The following PDCD7 variants were observed in gnomAD, a reference collection of about 807,000 sequenced individuals.
The protein encoded by PDCD7 is programmed cell death 7.
A neutral mutation model predicts 42.1 loss-of-function variants in PDCD7; 40 were observed. The ratio of observed to expected loss-of-function variants is 0.95; its 90% CI spans 0.74 to 1.24. The LOEUF (loss-of-function observed/expected upper bound fraction) is 1.24, where lower values mean the gene tolerates loss of function less well. Among genes scored for constraint, PDCD7 ranks in the 50% most tolerant of loss-of-function variants. PDCD7 has a pLI of 0.00. For synonymous variants in PDCD7, 299 were observed against 303.3 expected, an observed-to-expected ratio of 0.99 and a Z score of 0.15; for missense variants, 644 against 662.8, an observed-to-expected ratio of 0.97 and a Z score of 0.31.
At chr15:65,119,018 G>A (rs2087430274) in intron 4 of PDCD7, 178 bp from the exon 5 acceptor site, 1 of 469,612 alleles carries the variant, frequency 2.1e-6, no homozygotes, top group Non-Finnish European at 3.6e-6. Flanking sequence ...ATAAAAAGAG[G>A]AAAAACTCTG....
chr15:65,132,716 T>C (rs762253990), intron 1 of PDCD7, among the ~76,000 whole-genome samples, 196 bp downstream of exon 1: 4 of 152,212 alleles, frequency 2.6e-5, no homozygotes, highest in Non-Finnish European at 5.9e-5. Context: ...GATTTTACAG[T>C]GCACCTGGAA....
At chr15:65,119,636 CCTCTTAG>C in intron 3 of PDCD7, 75 bp downstream of exon 3, 1 of 1,450,418 alleles carries the variant, frequency 6.9e-7, no homozygotes, top group Non-Finnish European at 9.5e-7. Context: ...TTGCCTACCA[CCTCTTAG>C]CTTGAGATCA....
chr15:65,121,883 T>C (rs1349284684), intron 2 of PDCD7, among the ~76,000 whole-genome samples: 1 of 152,216 alleles, frequency 6.6e-6, no homozygotes, highest in Non-Finnish European at 1.5e-5. Context: ...TTTAACTTAA[T>C]GAATATTTGA....
Position 65,133,428 on chromosome 15 carries a change from C to T in PDCD7, c.354G>A (p.Trp118Ter). Residue 118 changes from tryptophan to a stop codon, truncating the protein, a stop_gained, in exon 1 of 5, where the codon TGG (tryptophan) becomes TGA (stop). Coordinates refer to ENST00000204549, the MANE Select transcript of PDCD7 (RefSeq NM_005707.2). LOFTEE classifies it high-confidence loss of function. ...GCGGCGCCTCAGGCCACCGCGGGCT[C>T]CAGGGCGGCCCCGGGCCGGGAGGCG... Reference protein sequence around the residue: ...RPPPPGPGPPWSPRWPEAPPP... With the variant: ...RPPPPGPGPP The T allele has an allele frequency of 8.4e-7, 1 of 1,184,176 alleles. No homozygotes were observed. Among genetic ancestry groups the T allele is most frequent in the Non-Finnish European group, 1.0e-6 (1 of 957,496 alleles). The allele number at this position is 1,184,176 out of a possible 1,614,324, so 73.4% of individuals were successfully genotyped here. A position where few individuals can be genotyped will look rare whatever the true frequency, so the allele number is the denominator to read the frequency against.
At position 65,133,101 on chromosome 15, in the gene PDCD7, G is replaced by A. The variant is rs761671823; in HGVS notation, c.681C>T (p.Thr227=). 3.9e-6 allele frequency: 6 copies of A among 1,557,934 alleles called. No individual in the cohort carries two copies. The highest frequency in any genetic ancestry group is 1.7e-4 in the Middle Eastern group (1 of 5,762). Residue 227 remains threonine, a synonymous_variant, in exon 1 of 5, where the codon ACC becomes ACT. Coordinates refer to ENST00000204549, the MANE Select transcript of PDCD7 (RefSeq NM_005707.2). ...AELAERLQPL[T]QAAYVGEARR... ...GCGCCTCGCCCACATAGGCAGCCTG[G>A]GTCAACGGCTGTAGCCGCTCGGCCA... is the stretch of plus-strand genomic sequence containing the variant.
Position 65,133,455 on chromosome 15 carries a change from T to C in PDCD7, c.327A>G (p.Pro109=). The C allele has an allele frequency of 7.5e-6, 9 of 1,203,942 alleles. No individual in the cohort carries two copies. The South Asian group carries it at 3.7e-4, about 50-fold the overall frequency. The allele number at this position is 1,203,942 out of a possible 1,614,324, so 74.6% of individuals were successfully genotyped here. A position where few individuals can be genotyped will look rare whatever the true frequency, so the allele number is the denominator to read the frequency against. The change falls in exon 1 of 5, where the codon CCA becomes CCG. Residue 109 remains proline (P), a synonymous_variant. Transcript: ENST00000204549. ...AGGGCGGCCCCGGGCCGGGAGGCGGTGGCCGCGGCCGCTCGCCGGCGTCGG... is the reference window on the plus strand; with the variant it reads ...AGGGCGGCCCCGGGCCGGGAGGCGGCGGCCGCGGCCGCTCGCCGGCGTCGG... ...PGTDAGERPR[P]PPPGPGPPWS... is the part of the protein sequence containing the mutation.
At position 65,118,657 on chromosome 15, in the gene PDCD7, A is replaced by G. The variant is rs142683986; in HGVS notation, c.*60T>C. The G allele has an allele frequency of 1.5e-5, 22 of 1,489,756 alleles. No individual in the cohort carries two copies. The East Asian group carries it at 5.2e-4, about 35-fold the overall frequency. The allele number at this position is 1,489,756 out of a possible 1,614,324, so 92.3% of individuals were successfully genotyped here. Reference sequence around the variant, plus strand: ...TTAGTCTACAGCAAAAGATGGCACCATCGCTAATATTTACAGCTGGAAAGA... The same window carrying G: ...TTAGTCTACAGCAAAAGATGGCACCGTCGCTAATATTTACAGCTGGAAAGA... On this transcript the variant is annotated 3_prime_UTR_variant, in exon 5 of 5. Coordinates refer to ENST00000204549, the MANE Select transcript of PDCD7 (RefSeq NM_005707.2).
intron 2 of PDCD7, 124 bp downstream of exon 2, chr15:65,128,908 A>T (rs2087517102): frequency 8.7e-7 from 1 of 1,147,698 alleles, no homozygotes; most frequent in Non-Finnish European, 1.2e-6. Flanking sequence ...TGACAAGCCC[A>T]GTTACCCGAC....
rs1160181460 is a variant in PDCD7 at position 65,119,786 on chromosome 15, T to A, written c.1178A>T (p.Gln393Leu). 5 of 1,612,396 alleles carry A rather than the reference T, an allele frequency of 3.1e-6. No individual in the cohort carries two copies. Among genetic ancestry groups the A allele is most frequent in the Non-Finnish European group, 4.2e-6 (5 of 1,179,506 alleles). The change falls in exon 3 of 5, where the codon CAA becomes CTA. Residue 393 changes from glutamine to leucine, a missense_variant. Transcript: ENST00000204549. ...EERKRELEKK[Q>L]RKEKEKILLQ... is the part of the protein sequence containing the mutation. The stretch of plus-strand genomic sequence containing the variant: ...TAAAATTTTCTCTTTTTCTTTTCTT[T>A]GTTTCTTTTCTAATTCTCTTTTCCT...
intron 2 of PDCD7, among the ~76,000 whole-genome samples, chr15:65,121,206 C>A (rs1287599108): frequency 1.3e-5 from 2 of 151,934 alleles, no homozygotes; most frequent in Non-Finnish European, 2.9e-5. Flanking sequence ...TACAGGCATG[C>A]ACCAACACAC....
chr15:65,132,770 T>C, intron 1 of PDCD7, 142 bp downstream of exon 1: 6 of 1,228,704 alleles, frequency 4.9e-6, no homozygotes, highest in Non-Finnish European at 6.7e-6. Flanking sequence ...AACATGGTGG[T>C]ATGAGCTGGG....
intron 1 of PDCD7, 100 bp downstream of exon 1, chr15:65,132,812 A>G: frequency 6.5e-7 from 1 of 1,527,652 alleles, no homozygotes; most frequent in Non-Finnish European, 8.8e-7. Context: ...TTGCGCGTAA[A>G]ACAGAGGCTT....
Position 65,133,135 on chromosome 15 carries a change from C to A in PDCD7, c.647G>T (p.Arg216Leu). 6.5e-7 allele frequency: 1 copy of A among 1,535,412 alleles called. No individual in the cohort carries two copies. The highest frequency in any genetic ancestry group is 2.5e-5 in the East Asian group (1 of 40,702). ...VLLYSQTAPL[R>L]AELAERLQPL... is the part of the protein sequence containing the mutation. ...CTGTAGCCGCTCGGCCAGTTCCGCG[C>A]GCAGCGGCGCGGTCTGGGAGTACAG... The change falls in exon 1 of 5, where the codon CGC becomes CTC. Residue 216 changes from arginine to leucine, a missense_variant. By Grantham distance (102) the Arg-to-Leu change is moderately radical. Transcript: ENST00000204549.
At chr15:65,132,174 C>A (rs1360465038) in intron 1 of PDCD7, among the ~76,000 whole-genome samples, 1 of 149,814 alleles carries the variant, frequency 6.7e-6, no homozygotes, top group African/African-American at 2.5e-5. Flanking sequence ...ATTGCTGAAC[C>A]TGGGGATACA....
intron 1 of PDCD7, 146 bp from the exon 2 acceptor site, chr15:65,129,316 C>T (rs2087521279): frequency 1.2e-6 from 1 of 845,328 alleles, no homozygotes; most frequent in Non-Finnish European, 1.8e-6. Context: ...TTTCTTAGGC[C>T]TTGCACAACT....
At chr15:65,129,261 G>A in intron 1 of PDCD7, 91 bp from the exon 2 acceptor site, 3 of 1,404,096 alleles carry the variant, frequency 2.1e-6, no homozygotes, top group Non-Finnish European at 2.9e-6. Flanking sequence ...TAAAGGATCA[G>A]ACAGTCTCCA....
chr15:65,127,541 A>C (rs1177150056), intron 2 of PDCD7, among the ~76,000 whole-genome samples: 1 of 152,158 alleles, frequency 6.6e-6, no homozygotes, highest in East Asian at 1.9e-4. Flanking sequence ...ATAGCCCATA[A>C]GACAATTTGC....
chr15:65,131,842 T>C (rs2087542233), intron 1 of PDCD7, among the ~76,000 whole-genome samples: 1 of 152,044 alleles, frequency 6.6e-6, no homozygotes, highest in Non-Finnish European at 1.5e-5. Context: ...ATCAATACGC[T>C]TTGGAATTAG....
chr15:65,122,552 T>C (rs1193833648), intron 2 of PDCD7, among the ~76,000 whole-genome samples: 1 of 152,244 alleles, frequency 6.6e-6, no homozygotes, highest in African/African-American at 2.4e-5. Flanking sequence ...TTCATAATTA[T>C]TTAATGGCTG....
Sources: gnomAD v4.1 joint callset for allele counts (sites outside exome capture counted in the v4.1 genomes callset) on GRCh38, gnomAD v4.1.1 for gene constraint, MANE v1.5 for transcripts, NCBI Gene and HGNC (gene_info 2026-07-23, HGNC 2026-07-21) for gene names.